Variants in THSD4 observed in about 807,000 individuals in gnomAD.
THSD4 encodes the protein thrombospondin type-1 domain-containing protein 4.
A neutral mutation model predicts 119.0 loss-of-function variants in THSD4; 69 were observed. The observed-to-expected ratio is 0.58, with a 90% CI of 0.48 to 0.71. The LOEUF (loss-of-function observed/expected upper bound fraction) is 0.71. THSD4 is among the 30% of genes least tolerant of loss of function. The pLI, the probability that THSD4 is intolerant of heterozygous loss-of-function variation, is 0.00. For missense variants in THSD4, 1,393 were observed against 1,391.1 expected (o/e 1.00, Z -0.02); for synonymous variants, 524 against 540.4 (o/e 0.97, Z 0.42).
intron 7 of THSD4, among the ~76,000 whole-genome samples, chr15:71,432,184 T>G (rs1233321168): frequency 2.0e-5 from 3 of 152,232 alleles, no homozygotes; most frequent in African/African-American, 7.2e-5. Context: ...TTGCCAATGC[T>G]TCCCATGTGA....
At position 71,554,987 on chromosome 15, in the gene THSD4, C is replaced by G. The variant is rs531427359; in HGVS notation, c.1153-105543C>G. ...CACCACTCCCCACTCATGTCCTCCT[C>G]GCTTCTCTCCTTGAAAGACAACCAT... On this transcript the variant is annotated intron_variant, in intron 7 of 17. Transcript: ENST00000261862. Among the ~76,000 whole-genome samples, 198 of 152,148 alleles carry G rather than the reference C, an allele frequency of 1.3e-3. 1 individual carries two copies. The highest frequency in any genetic ancestry group is 2.1e-3 in the Non-Finnish European group (145 of 68,038).
intron 7 of THSD4, among the ~76,000 whole-genome samples, chr15:71,624,024 C>A (rs2140932687): frequency 6.6e-6 from 1 of 151,972 alleles, no homozygotes; most frequent in East Asian, 1.9e-4. Context: ...CCCTGGGAAA[C>A]AGACTTTGAG....
intron 5 of THSD4, among the ~76,000 whole-genome samples, chr15:71,254,395 C>T (rs893213654): frequency 1.3e-5 from 2 of 152,162 alleles, no homozygotes; most frequent in African/African-American, 2.4e-5. Flanking sequence ...TGTGATTCCA[C>T]GTTAAGTCAT....
At chr15:71,379,048 C>T (rs746359386) in intron 6 of THSD4, among the ~76,000 whole-genome samples, 3 of 152,108 alleles carry the variant, frequency 2.0e-5, no homozygotes, top group African/African-American at 4.8e-5. Context: ...CCTCCCAAAG[C>T]GCTGGGATTA....
At chr15:71,212,878 G>A (rs925690478) in intron 3 of THSD4, among the ~76,000 whole-genome samples, 4 of 152,192 alleles carry the variant, frequency 2.6e-5, no homozygotes, top group African/African-American at 7.2e-5. Flanking sequence ...GTTAACTGGC[G>A]CTAGTGCTGC....
At chr15:71,411,930 T>A (rs1220709397) in intron 7 of THSD4, 107 bp downstream of exon 7, 21 of 1,438,130 alleles carry the variant, frequency 1.5e-5, no homozygotes, top group Non-Finnish European at 1.9e-5. Context: ...CCAGCCCACG[T>A]CAGGGCCACT....
intron 7 of THSD4, among the ~76,000 whole-genome samples, chr15:71,606,666 G>T (rs934737213): frequency 3.3e-5 from 5 of 151,976 alleles, no homozygotes; most frequent in African/African-American, 1.2e-4. Context: ...TCAGCCTCCC[G>T]AGTAGCTGGG....
chr15:71,513,644 A>G (rs2048313911), intron 7 of THSD4, among the ~76,000 whole-genome samples: 1 of 152,160 alleles, frequency 6.6e-6, no homozygotes, highest in Non-Finnish European at 1.5e-5. Context: ...AAATGGTACA[A>G]CCACTTTGGA....
chr15:71,409,605 C>A (rs8037926), intron 6 of THSD4, among the ~76,000 whole-genome samples: 7,213 of 152,258 alleles, frequency 0.047, 576 homozygotes, highest in African/African-American at 0.17. Flanking sequence ...GAAACCAGGT[C>A]TCTTGACTTC....
upstream of THSD4, chr15:71,111,204 G>A: frequency 1.2e-6 from 2 of 1,613,372 alleles, no homozygotes; most frequent in Admixed American, 1.7e-5. Context: ...CAAGTGTGAA[G>A]CAGAAAAGGG....
chr15:71,240,690 CAT>C (rs1418630414), intron 4 of THSD4, among the ~76,000 whole-genome samples: 1 of 152,136 alleles, frequency 6.6e-6, no homozygotes, highest in Non-Finnish European at 1.5e-5. Context: ...AAAAAACACA[CAT>C]ACGCAGAAAT....
At chr15:71,257,149 G>C (rs994674887) in intron 6 of THSD4, among the ~76,000 whole-genome samples, 3 of 152,204 alleles carry the variant, frequency 2.0e-5, no homozygotes, top group East Asian at 3.9e-4. Flanking sequence ...CACCTGTAGG[G>C]GGCCTCACAT....
At position 71,591,005 on chromosome 15, in the gene THSD4, CAAAAAAAAAAAAAAA is replaced by C. The variant is rs67271025; in HGVS notation, c.1153-69507_1153-69493del. Among the ~76,000 whole-genome samples, 49 of 57,508 alleles carry C rather than the reference CAAAAAAAAAAAAAAA, an allele frequency of 8.5e-4. 1 individual carries two copies. Among genetic ancestry groups the C allele is most frequent in the South Asian group, 2.6e-3 (3 of 1,152 alleles). The allele number at this position is 57,508 out of a possible 152,430, so 37.7% of individuals were successfully genotyped here. On this transcript the variant is annotated intron_variant, in intron 7 of 17. Coordinates refer to ENST00000261862, the MANE Select transcript of THSD4 (RefSeq NM_024817.3). ...TGGGCGACAGAGCAAGACTCCATCT[CAAAAAAAAAAAAAAA>C]AAAAAAAAAAAAAAAAAGTTGAAGA...
intron 7 of THSD4, among the ~76,000 whole-genome samples, chr15:71,481,700 C>G (rs2047732761): frequency 7.4e-6 from 1 of 135,256 alleles, no homozygotes; most frequent in Non-Finnish European, 1.6e-5. Flanking sequence ...AAAAGAAGGA[C>G]AAGATGTGTA....
Position 71,401,738 on chromosome 15 carries a change from G to A in THSD4, c.1016-9949G>A, listed in dbSNP as rs539472039. ...AACTAGAAATACCATTTGACCCAGC[G>A]ATCCCATTACTGGGTACATACCCAA... On this transcript the variant is annotated intron_variant, in intron 6 of 17. Transcript: ENST00000261862. 3.3e-5 allele frequency among the ~76,000 whole-genome samples: 5 copies of A among 152,222 alleles called. No individual in the cohort carries two copies. The East Asian group carries it at 7.7e-4, about 23-fold the overall frequency.
At position 71,780,658 on chromosome 15, in the gene THSD4, T is replaced by G. The variant is rs1363873285; in HGVS notation, c.*3284T>G. On this transcript the variant is annotated 3_prime_UTR_variant, in exon 18 of 18. Coordinates refer to ENST00000261862, the MANE Select transcript of THSD4 (RefSeq NM_024817.3). Reference sequence around the variant, plus strand: ...GGACCCCAGGGAGGGCAAGGCAGCCTGTCCCCGCCCCCAGGGAACTAGAAC... The same window carrying G: ...GGACCCCAGGGAGGGCAAGGCAGCCGGTCCCCGCCCCCAGGGAACTAGAAC... The G allele has an allele frequency of 4.4e-6, 2 of 456,622 alleles. No homozygotes were observed. Among genetic ancestry groups the G allele is most frequent in the Non-Finnish European group, 8.8e-6 (2 of 226,974 alleles). 28.3% of individuals were successfully genotyped at this position (456,622 alleles called of 1,614,324 possible). A position where few individuals can be genotyped will look rare whatever the true frequency, so the allele number is the denominator to read the frequency against.
intron 4 of THSD4, among the ~76,000 whole-genome samples, chr15:71,221,674 A>T (rs779670314): frequency 6.6e-6 from 1 of 152,112 alleles, no homozygotes; most frequent in Non-Finnish European, 1.5e-5. Flanking sequence ...TTATCCTTTC[A>T]TCCATCAGTG....
Position 71,560,328 on chromosome 15 carries a change from A to G in THSD4, c.1153-100202A>G, listed in dbSNP as rs886847490. ...CAATTCTGAATTAAATTCAACAACC[A>G]TGTATTGAGTGCTATTTTTTGTGTC... On this transcript the variant is annotated intron_variant, in intron 7 of 17. Coordinates refer to ENST00000261862, the MANE Select transcript of THSD4 (RefSeq NM_024817.3). 2.6e-5 allele frequency among the ~76,000 whole-genome samples: 4 copies of G among 152,210 alleles called. 1 individual carries two copies. The highest frequency in any genetic ancestry group is 5.9e-5 in the Non-Finnish European group (4 of 68,038).
rs150038402 is a variant in THSD4, at chr15:71,504,415, T to C, written c.1152+92592T>C. Among the ~76,000 whole-genome samples, 363 of 152,302 alleles carry C rather than the reference T, an allele frequency of 2.4e-3. 2 individuals carry two copies. Among genetic ancestry groups the C allele is most frequent in the Middle Eastern group, 0.014 (4 of 294 alleles). ...ATTGATGAACAATTACAGGACCTCT[T>C]TATGAAGTCAGGTGACCTTAGAAGA... On this transcript the variant is annotated intron_variant, in intron 7 of 17. Coordinates refer to ENST00000261862, the MANE Select transcript of THSD4 (RefSeq NM_024817.3).
Sources: gnomAD v4.1 joint callset for allele counts (sites outside exome capture counted in the v4.1 genomes callset) on GRCh38, gnomAD v4.1.1 for gene constraint, MANE v1.5 for transcripts, NCBI Gene and HGNC (gene_info 2026-07-23, HGNC 2026-07-21) for gene names.